NPEPL1: variants seen among roughly 807,000 people sequenced by gnomAD.
NPEPL1 encodes the protein probable aminopeptidase NPEPL1.
NPEPL1 carries 45 observed loss-of-function variants against 52.4 expected under a neutral mutation model. That is an observed-to-expected ratio of 0.86 (90% confidence interval 0.68 to 1.10). The LOEUF is 1.10. Ranked by LOEUF, NPEPL1 falls within the 50% of genes least tolerant of loss-of-function variation. The pLI, the probability that NPEPL1 is intolerant of heterozygous loss-of-function variation, is 0.00. For synonymous variants in NPEPL1, 360 were observed against 314.7 expected, an observed-to-expected ratio of 1.14 and a Z score of -1.52; for missense variants, 696 against 710.9, an observed-to-expected ratio of 0.98 and a Z score of 0.24.
intron 3 of NPEPL1, among the ~76,000 whole-genome samples, chr20:58,697,650 T>C (rs907067393): frequency 2.6e-5 from 4 of 152,230 alleles, no homozygotes; most frequent in African/African-American, 7.2e-5. Flanking sequence ...CTCTTAATAT[T>C]GTCTTTCTGG....
At position 58,714,546 on chromosome 20, in the gene NPEPL1, C is replaced by A; in HGVS notation, c.1303-14C>A. The A allele has an allele frequency of 6.4e-7, 1 of 1,556,288 alleles. No homozygotes were observed. Among genetic ancestry groups the A allele is most frequent in the East Asian group, 2.4e-5 (1 of 42,238 alleles). On this transcript the variant is annotated splice_polypyrimidine_tract_variant and intron_variant, in intron 10 of 11. Transcript: ENST00000356091. ...GAGCAACCCACAGGCACTGTGTCCT[C>A]CTGGCCTCCCTAGGACCGAGACAAC...
intron 6 of NPEPL1, among the ~76,000 whole-genome samples, chr20:58,706,220 A>G (rs756388393): frequency 1.3e-5 from 2 of 152,116 alleles, no homozygotes; most frequent in South Asian, 2.1e-4. Context: ...GGTGTGAACT[A>G]TTAACCAGGA....
chr20:58,706,720 G>A lies in NPEPL1; in HGVS notation c.823-403G>A, dbSNP rs1365533436. ...TGGCCCTGCAGACAGACCCCCAGGCGGCGTGGCAGCCCGGGACTGAGGTCA... is the reference window on the plus strand; with the variant it reads ...TGGCCCTGCAGACAGACCCCCAGGCAGCGTGGCAGCCCGGGACTGAGGTCA... On this transcript the variant is annotated intron_variant, in intron 6 of 11. Transcript: ENST00000356091. 6.6e-5 allele frequency among the ~76,000 whole-genome samples: 10 copies of A among 152,100 alleles called. No homozygotes were observed. The East Asian group carries it at 7.7e-4, about 12-fold the overall frequency.
chr20:58,694,077 A>C (rs570757225), intron 2 of NPEPL1, among the ~76,000 whole-genome samples, 155 bp downstream of exon 2: 1 of 152,344 alleles, frequency 6.6e-6, no homozygotes, highest in Non-Finnish European at 1.5e-5. Context: ...ACAGGTCCAG[A>C]GAGACGCGGG....
chr20:58,695,184 TTGTTGTG>T (rs1472101810), intron 3 of NPEPL1, among the ~76,000 whole-genome samples: 2 of 85,936 alleles, frequency 2.3e-5, no homozygotes, highest in African/African-American at 1.3e-4. Flanking sequence ...GTGGTGTGTG[TTGTTGTG>T]TGTGAGTACT....
chr20:58,714,954 G>T lies in NPEPL1; in HGVS notation c.1414-214G>T, dbSNP rs951780182. The T allele has an allele frequency of 5.5e-5, 35 of 631,128 alleles. No individual in the cohort carries two copies. The African/African-American group carries it at 6.1e-4, about 11-fold the overall frequency. The allele number at this position is 631,128 out of a possible 1,614,324, so 39.1% of individuals were successfully genotyped here. On this transcript the variant is annotated intron_variant, in intron 11 of 11. Transcript: ENST00000356091. ...CCCGGGGTGAAGGCAGAGCACACAG[G>T]GCCTTGCCCCCTGCCTACGCCTGGC...
intron 6 of NPEPL1, among the ~76,000 whole-genome samples, chr20:58,701,448 T>G: frequency 7.4e-6 from 1 of 135,406 alleles, no homozygotes; most frequent in Non-Finnish European, 1.6e-5. Context: ...CGGCGAGGTT[T>G]CTGGGGGTTC....
At chr20:58,696,062 C>T (rs1307880144) in intron 3 of NPEPL1, among the ~76,000 whole-genome samples, 1 of 152,224 alleles carries the variant, frequency 6.6e-6, no homozygotes, top group Non-Finnish European at 1.5e-5. Context: ...TAGGGATTTT[C>T]TTCTGACTTC....
intron 6 of NPEPL1, 24 bp from the exon 7 acceptor site, chr20:58,707,099 C>G: frequency 1.3e-6 from 2 of 1,549,910 alleles, no homozygotes; most frequent in Non-Finnish European, 1.7e-6. Context: ...CACCTTTGTC[C>G]TGGTCCCTTT....
At chr20:58,704,488 T>G in intron 6 of NPEPL1, 1 of 507,240 alleles carries the variant, frequency 2.0e-6, no homozygotes, top group Non-Finnish European at 2.5e-6. Flanking sequence ...ACATGTATAA[T>G]TCATTAAAAA....
chr20:58,706,176 G>A (rs1251988893), intron 6 of NPEPL1, among the ~76,000 whole-genome samples: 3 of 152,202 alleles, frequency 2.0e-5, no homozygotes, highest in African/African-American at 4.8e-5. Flanking sequence ...TGCAGGAGAA[G>A]GGTGGCCCCT....
chr20:58,703,897 A>G (rs1406132109), intron 6 of NPEPL1: 2 of 985,186 alleles, frequency 2.0e-6, no homozygotes, highest in African/African-American at 1.7e-5. Flanking sequence ...GCCCCTGCCT[A>G]TTCCCGGGGT....
At chr20:58,695,053 C>G (rs796628435) in intron 3 of NPEPL1, among the ~76,000 whole-genome samples, 2 of 14,396 alleles carry the variant, frequency 1.4e-4, no homozygotes, top group Non-Finnish European at 1.6e-4. Flanking sequence ...TGTATGTTTG[C>G]TGGTGTGTGC....
Position 58,713,844 on chromosome 20 carries a change from G to T in NPEPL1, c.1126-73G>T. On this transcript the variant is annotated intron_variant, in intron 9 of 11. Coordinates refer to ENST00000356091, the MANE Select transcript of NPEPL1 (RefSeq NM_024663.4). The surrounding 1 kb of genome is among the most constrained non-coding windows in gnomAD (Gnocchi z 4.6). The stretch of plus-strand genomic sequence containing the variant: ...TCCCTTATTTCTCTGTCTGCCTCCC[G>T]GTCCCTCTTTTGCCTTGGGTGTTTC... 1 of 1,371,858 alleles carries T rather than the reference G, an allele frequency of 7.3e-7. No homozygotes were observed. Among genetic ancestry groups the T allele is most frequent in the Non-Finnish European group, 9.5e-7 (1 of 1,054,994 alleles). 85.0% of individuals were successfully genotyped at this position (1,371,858 alleles called of 1,614,324 possible).
chr20:58,691,693 C>CTTTTCTTT, upstream of NPEPL1: 1 of 561,314 alleles, frequency 1.8e-6, no homozygotes, highest in South Asian at 2.2e-5. Flanking sequence ...TTTTTCTTTT[C>CTTTTCTTT]TTTTTTTTTT....
At position 58,694,571 on chromosome 20, in the gene NPEPL1, G is replaced by T; in HGVS notation, c.486G>T (p.Pro162=). The change falls in exon 3 of 12, where the codon CCG becomes CCT. Residue 162 remains proline (P), a synonymous_variant. Transcript: ENST00000356091. ...TCCTGGTGGGACAAGACAACGGGCC[G>T]GTGGAGGTGTCCACATTGCAGGTGG... ...EFFLVGQDNG[P]VEVSTLQCLA... 2 of 1,613,392 alleles carry T rather than the reference G, an allele frequency of 1.2e-6. No individual in the cohort carries two copies. Among genetic ancestry groups the T allele is most frequent in the East Asian group, 2.2e-5 (1 of 44,842 alleles).
chr20:58,696,938 C>T (rs757476889), intron 3 of NPEPL1, among the ~76,000 whole-genome samples: 30 of 152,240 alleles, frequency 2.0e-4, no homozygotes, highest in Non-Finnish European at 4.0e-4. Context: ...CCTCTTGGGT[C>T]CTGAGCACAC....
chr20:58,699,292 G>T lies in NPEPL1; in HGVS notation c.679+14G>T. On this transcript the variant is annotated intron_variant, in intron 5 of 11. Coordinates refer to ENST00000356091, the MANE Select transcript of NPEPL1 (RefSeq NM_024663.4). ...GAGGATTTGGAGGTGGGTGGGGGCT[G>T]CATCCCTGCAGCTCTTGGCCTCGGG... 6.3e-7 allele frequency: 1 copy of T among 1,594,158 alleles called. No homozygotes were observed. Among genetic ancestry groups the T allele is most frequent in the South Asian group, 1.1e-5 (1 of 87,882 alleles).
rs767032782 is a variant in NPEPL1 at position 58,713,224 on chromosome 20, T to G, written c.1002-196T>G. The stretch of plus-strand genomic sequence containing the variant: ...AGAGCAGCGGGGCAGGGATGTCACC[T>G]GGAAGCCCTTTGCTCCAGGCACTGC... On this transcript the variant is annotated intron_variant, in intron 8 of 11. Coordinates refer to ENST00000356091, the MANE Select transcript of NPEPL1 (RefSeq NM_024663.4). The surrounding 1 kb of genome is among the most constrained non-coding windows in gnomAD (Gnocchi z 4.6). 3.3e-6 allele frequency: 2 copies of G among 611,586 alleles called. No individual in the cohort carries two copies. The highest frequency in any genetic ancestry group is 5.5e-6 in the Non-Finnish European group (2 of 365,678). 37.9% of individuals were successfully genotyped at this position (611,586 alleles called of 1,614,324 possible).
Sources: gnomAD v4.1 joint callset for allele counts (sites outside exome capture counted in the v4.1 genomes callset) on GRCh38, gnomAD v4.1.1 for gene constraint, Gnocchi (gnomAD v3.1) non-coding constraint, MANE v1.5 for transcripts, NCBI Gene and HGNC (gene_info 2026-07-23, HGNC 2026-07-21) for gene names.